The following ATL1 variants were observed in gnomAD, a reference collection of about 807,000 sequenced individuals.
ATL1 encodes atlastin GTPase 1, also known as atlastin-1.
Under a neutral mutation model 75.5 loss-of-function variants are expected in ATL1, and 31 were observed. That is an observed-to-expected ratio of 0.41 (90% CI 0.31 to 0.55). The LOEUF is 0.55. Ranked by LOEUF, ATL1 falls within the 20% of genes least tolerant of loss-of-function variation. ATL1 has a pLI of 0.27. For synonymous variants in ATL1, 226 were observed against 233.3 expected, an observed-to-expected ratio of 0.97 and a Z score of 0.28; for missense variants, 405 against 662.6, an observed-to-expected ratio of 0.61 and a Z score of 4.27.
chr14:50,546,862 A>C (rs2038639157), intron 1 of ATL1, among the ~76,000 whole-genome samples: 1 of 152,074 alleles, frequency 6.6e-6, no homozygotes. Flanking sequence ...TTATACTTTA[A>C]GTTCTGGGGT....
upstream of ATL1, among the ~76,000 whole-genome samples, chr14:50,556,210 A>G (rs991090388): frequency 3.9e-5 from 6 of 152,134 alleles, no homozygotes; most frequent in African/African-American, 1.4e-4. Flanking sequence ...CTTAGATTGT[A>G]CAATTCAGTG....
chr14:50,599,961 A>G (rs958159724), intron 6 of ATL1, among the ~76,000 whole-genome samples: 8 of 150,438 alleles, frequency 5.3e-5, no homozygotes, highest in African/African-American at 2.0e-4. Context: ...TATGATTTAC[A>G]ATATGTACTA....
chr14:50,610,752 G>T (rs1019770563), intron 6 of ATL1, among the ~76,000 whole-genome samples: 1 of 152,134 alleles, frequency 6.6e-6, no homozygotes, highest in African/African-American at 2.4e-5. Flanking sequence ...TGTACTAGGT[G>T]TTAAGGATAC....
rs2039599320 is a variant in ATL1, at chr14:50,633,026, C to G, written c.*687C>G. ...ATGTGAACTATTATTAAAGTTTACT[C>G]TGGTTCCTAAGATTAAAAACAAATG... On this transcript the variant is annotated 3_prime_UTR_variant, in exon 14 of 14. Transcript: ENST00000358385. The G allele has an allele frequency of 6.6e-6, 1 of 152,058 alleles. No individual in the cohort carries two copies. Among genetic ancestry groups the G allele is most frequent in the Non-Finnish European group, 1.5e-5 (1 of 67,984 alleles). The allele number at this position is 152,058 out of a possible 1,614,324, so 9.4% of individuals were successfully genotyped here. A position where few individuals can be genotyped will look rare whatever the true frequency, so the allele number is the denominator to read the frequency against.
chr14:50,563,903 A>T (rs962810155), intron 1 of ATL1, among the ~76,000 whole-genome samples: 5 of 152,184 alleles, frequency 3.3e-5, no homozygotes, highest in Admixed American at 2.6e-4. Flanking sequence ...TGTATAAGAG[A>T]TCTGAGATTC....
intron 1 of ATL1, among the ~76,000 whole-genome samples, chr14:50,554,401 C>G (rs970230361): frequency 6.6e-6 from 1 of 152,130 alleles, no homozygotes; most frequent in African/African-American, 2.4e-5. Flanking sequence ...CATGGCTATA[C>G]TTTATAGGTC....
intron 1 of ATL1, among the ~76,000 whole-genome samples, chr14:50,533,911 T>C (rs1199469698): frequency 3.9e-5 from 6 of 152,208 alleles, no homozygotes; most frequent in African/African-American, 1.4e-4. Flanking sequence ...GGGCACTTAT[T>C]TGGGGAACAT....
Position 50,586,667 on chromosome 14 carries a change from G to A in ATL1, c.35-1164G>A, listed in dbSNP as rs555106378. 8.6e-5 allele frequency among the ~76,000 whole-genome samples: 13 copies of A among 152,026 alleles called. No individual in the cohort carries two copies. The South Asian group carries it at 2.7e-3, about 32-fold the overall frequency. ...ATAAAGCAAACGAGCCTATGTATGT[G>A]TTGTCCAAAAGTTATTTGATTGCTA... On this transcript the variant is annotated intron_variant, in intron 1 of 13. Coordinates refer to ENST00000358385, the MANE Select transcript of ATL1 (RefSeq NM_015915.5).
At chr14:50,592,908 C>T (rs1400116400) in intron 4 of ATL1, among the ~76,000 whole-genome samples, 1 of 111,212 alleles carries the variant, frequency 9.0e-6, no homozygotes, top group African/African-American at 3.9e-5. Context: ...GCGAGACTCC[C>T]GTCTCAAAAA....
chr14:50,613,222 A>T (rs1358730871), intron 6 of ATL1, 37 bp from the exon 7 acceptor site: 1 of 1,508,190 alleles, frequency 6.6e-7, no homozygotes, highest in African/African-American at 1.4e-5. Flanking sequence ...GAGGCACCTT[A>T]AAGTCCTCAT....
chr14:50,595,520 CT>C, intron 5 of ATL1, 55 bp from the exon 6 acceptor site: 1 of 19,226 alleles, frequency 5.2e-5, no homozygotes, highest in East Asian at 3.8e-3. Context: ...TGCTAAAGTT[CT>C]CTCTCTCTCT....
intron 1 of ATL1, among the ~76,000 whole-genome samples, chr14:50,583,394 A>G (rs2039074610): frequency 6.6e-6 from 1 of 152,238 alleles, no homozygotes; most frequent in Admixed American, 6.5e-5. Flanking sequence ...AGACCAATGC[A>G]TTAAAGCTAA....
At chr14:50,621,765 C>A in intron 9 of ATL1, 78 bp from the exon 10 acceptor site, 1 of 890,886 alleles carries the variant, frequency 1.1e-6, no homozygotes, top group East Asian at 2.5e-5. Context: ...ATGTCAAGAA[C>A]TTAGAATGCA....
At chr14:50,573,358 C>T (rs897110122) in intron 1 of ATL1, among the ~76,000 whole-genome samples, 3 of 152,114 alleles carry the variant, frequency 2.0e-5, no homozygotes, top group African/African-American at 7.2e-5. Context: ...CTGCACTGTC[C>T]AATATGGTAG....
At chr14:50,570,289 C>A (rs898227438) in intron 1 of ATL1, among the ~76,000 whole-genome samples, 1 of 152,134 alleles carries the variant, frequency 6.6e-6, no homozygotes, top group Non-Finnish European at 1.5e-5. Context: ...TCCTAATCTT[C>A]AAGTTTGCTG....
chr14:50,615,593 A>G (rs953532861), intron 8 of ATL1, among the ~76,000 whole-genome samples: 11 of 152,200 alleles, frequency 7.2e-5, no homozygotes, highest in African/African-American at 2.7e-4. Context: ...TTACTTTCAT[A>G]CCACAGACTA....
chr14:50,554,109 G>GT (rs369844075), intron 1 of ATL1, among the ~76,000 whole-genome samples: 4,638 of 146,332 alleles, frequency 0.032, 193 homozygotes, highest in Admixed American at 0.11. Context: ...TTTTTAAAAA[G>GT]TTTTTTTTTT....
chr14:50,552,830 CCTCAT>C lies in ATL1; in HGVS notation c.-139-7293_-139-7289del, dbSNP rs1391158742. 3.3e-5 allele frequency among the ~76,000 whole-genome samples: 5 copies of C among 152,108 alleles called. 1 individual carries two copies. Among genetic ancestry groups the C allele is most frequent in the Non-Finnish European group, 7.4e-5 (5 of 68,024 alleles). On this transcript the variant is annotated intron_variant, in intron 1 of 13. Coordinates refer to the ATL1 transcript ENST00000441560. ...AGCCACATGTAGAATGAAACTGGAT[CCTCAT>C]CTCTCACCTTATAGAAAAATCAACT...
At chr14:50,601,157 G>T (rs2039268696) in intron 6 of ATL1, among the ~76,000 whole-genome samples, 1 of 151,856 alleles carries the variant, frequency 6.6e-6, no homozygotes. Flanking sequence ...TAAAATAGAA[G>T]AATTCTTAAC....
Sources: gnomAD v4.1 joint callset for allele counts (sites outside exome capture counted in the v4.1 genomes callset) on GRCh38, gnomAD v4.1.1 for gene constraint, MANE v1.5 for transcripts, NCBI Gene and HGNC (gene_info 2026-07-23, HGNC 2026-07-21) for gene names.